DPP10: variants seen among roughly 807,000 people sequenced by gnomAD.
DPP10 encodes the protein inactive dipeptidyl peptidase 10.
Under a neutral mutation model 120.9 loss-of-function variants are expected in DPP10, and 33 were observed. That is an observed-to-expected ratio of 0.27 (90% CI 0.21 to 0.37). DPP10 has a LOEUF of 0.37. DPP10 is among the 10% of genes least tolerant of loss of function. The pLI, the probability that DPP10 is intolerant of heterozygous loss-of-function variation, is 1.00. For missense variants in DPP10, 816 were observed against 942.8 expected, an observed-to-expected ratio of 0.87 and a Z score of 1.76; for synonymous variants, 337 against 326.1, an observed-to-expected ratio of 1.03 and a Z score of -0.36.
intron 3 of DPP10, among the ~76,000 whole-genome samples, chr2:115,431,946 T>C (rs538382497): frequency 6.6e-6 from 1 of 152,234 alleles, no homozygotes; most frequent in South Asian, 2.1e-4. Flanking sequence ...TCAGAATTAT[T>C]GATAATAAGG....
At position 114,638,176 on chromosome 2, in the gene DPP10, C is replaced by A. The variant is rs746075086; in HGVS notation, c.60+195338C>A. Among the ~76,000 whole-genome samples the A allele has an allele frequency of 1.3e-4, 20 of 151,612 alleles. 1 individual carries two copies. The Middle Eastern group carries it at 0.01, about 77-fold the overall frequency. On this transcript the variant is annotated intron_variant, in intron 1 of 25. Transcript: ENST00000410059. The stretch of plus-strand genomic sequence containing the variant: ...TTTTTCAGCAGTGTTTTGTAGTTCT[C>A]CTTGTAGAGATCCTTCATCTCCTTG...
chr2:115,281,179 A>G (rs748178312), intron 1 of DPP10, among the ~76,000 whole-genome samples: 3 of 152,184 alleles, frequency 2.0e-5, no homozygotes, highest in Admixed American at 6.6e-5. Flanking sequence ...CTTTATTTCA[A>G]TAGAAGCTAG....
At chr2:115,630,234 A>G (rs1027980657) in intron 5 of DPP10, among the ~76,000 whole-genome samples, 18 of 151,870 alleles carry the variant, frequency 1.2e-4, no homozygotes, top group African/African-American at 4.4e-4. Context: ...AGGAAAGTTT[A>G]TGATTTTTGC....
intron 5 of DPP10, among the ~76,000 whole-genome samples, chr2:115,619,573 A>C (rs10185700): frequency 0.38 from 57,466 of 151,968 alleles, 11,544 homozygotes; most frequent in African/African-American, 0.5. Context: ...TGACTAGGCC[A>C]AGTGGTTCCC....
chr2:115,648,064 G>A (rs1486097228), intron 5 of DPP10, among the ~76,000 whole-genome samples: 2 of 151,914 alleles, frequency 1.3e-5, no homozygotes, highest in Admixed American at 1.3e-4. Context: ...TCTGAGAGAG[G>A]GCAAGTGATC....
chr2:115,169,639 G>T (rs529080780), intron 1 of DPP10, among the ~76,000 whole-genome samples: 1 of 152,220 alleles, frequency 6.6e-6, no homozygotes, highest in Non-Finnish European at 1.5e-5. Context: ...GAAGTTTGGT[G>T]CCCAGGAATG....
chr2:114,638,386 T>C (rs922842941), intron 1 of DPP10, among the ~76,000 whole-genome samples: 11 of 151,700 alleles, frequency 7.3e-5, no homozygotes, highest in African/African-American at 2.7e-4. Context: ...AAACCATACA[T>C]CTAACGAAGG....
At chr2:114,589,990 T>C (rs1470610528) in intron 1 of DPP10, among the ~76,000 whole-genome samples, 1 of 151,834 alleles carries the variant, frequency 6.6e-6, no homozygotes, top group Non-Finnish European at 1.5e-5. Context: ...CCTAATTCTT[T>C]AAAAAAAACT....
chr2:115,016,878 T>C (rs1702682428), intron 1 of DPP10, among the ~76,000 whole-genome samples: 1 of 152,024 alleles, frequency 6.6e-6, no homozygotes, highest in Non-Finnish European at 1.5e-5. Context: ...TATGCAGCCA[T>C]AGAAAATGAT....
At chr2:115,106,988 T>C (rs943440626) in intron 1 of DPP10, among the ~76,000 whole-genome samples, 1 of 150,682 alleles carries the variant, frequency 6.6e-6, no homozygotes, top group Non-Finnish European at 1.5e-5. Context: ...GGCAGGAGAA[T>C]GACGTGAACC....
chr2:115,137,640 GGA>G (rs1395388242), intron 1 of DPP10, among the ~76,000 whole-genome samples: 1 of 152,196 alleles, frequency 6.6e-6, no homozygotes, highest in Non-Finnish European at 1.5e-5. Context: ...ATTATGGTTT[GGA>G]GAGAGCTGTC....
intron 1 of DPP10, among the ~76,000 whole-genome samples, chr2:114,546,163 T>TAA (rs142662300): frequency 2.0e-5 from 3 of 150,892 alleles, no homozygotes; most frequent in African/African-American, 7.3e-5. Flanking sequence ...AGTAACTTAT[T>TAA]AAAAAAAAAG....
intron 1 of DPP10, among the ~76,000 whole-genome samples, chr2:114,497,320 T>TAC (rs1386014671): frequency 8.4e-5 from 3 of 35,508 alleles, no homozygotes; most frequent in African/African-American, 2.2e-4. Flanking sequence ...CATGTACATG[T>TAC]ATACGTGTAT....
At chr2:115,499,799 C>T (rs141887141) in intron 4 of DPP10, among the ~76,000 whole-genome samples, 195 bp downstream of exon 4, 5 of 151,984 alleles carry the variant, frequency 3.3e-5, no homozygotes, top group East Asian at 3.9e-4. Context: ...ATTTTCTTCC[C>T]GTTTACTCTT....
chr2:114,989,767 TTAAAA>T (rs1700651367), intron 1 of DPP10, among the ~76,000 whole-genome samples: 1 of 152,208 alleles, frequency 6.6e-6, no homozygotes, highest in Admixed American at 6.5e-5. Context: ...ATACAGAAGT[TTAAAA>T]TAAGACAGAC....
chr2:115,065,871 A>AC (rs1182540139), intron 1 of DPP10, among the ~76,000 whole-genome samples: 1 of 152,214 alleles, frequency 6.6e-6, no homozygotes, highest in African/African-American at 2.4e-5. Flanking sequence ...AAAAAAATCC[A>AC]CCCAAGAATA....
At position 114,559,417 on chromosome 2, in the gene DPP10, T is replaced by C. The variant is rs1312501288; in HGVS notation, c.60+116579T>C. On this transcript the variant is annotated intron_variant, in intron 1 of 25. Coordinates refer to ENST00000410059, the MANE Select transcript of DPP10 (RefSeq NM_020868.6). ...AAGAAATGAATTCCCCCTTAGAGAT[T>C]CCAGAAGGAATGAAATCTTAGTGAC... is the stretch of plus-strand genomic sequence containing the variant. Among the ~76,000 whole-genome samples the C allele has an allele frequency of 2.0e-5, 3 of 152,210 alleles. No homozygotes were observed. The South Asian group carries it at 6.2e-4, about 32-fold the overall frequency.
At chr2:115,643,097 G>T (rs1429873872) in intron 5 of DPP10, among the ~76,000 whole-genome samples, 8 of 151,450 alleles carry the variant, frequency 5.3e-5, no homozygotes, top group African/African-American at 1.9e-4. Context: ...ATTTCTTCAG[G>T]TTTACTAATT....
chr2:115,286,526 A>ATATATATGTAT (rs10675008), intron 1 of DPP10, among the ~76,000 whole-genome samples: 1 of 60,946 alleles, frequency 1.6e-5, no homozygotes, highest in Non-Finnish European at 3.3e-5. Flanking sequence ...ATATATATAT[A>ATATATATGTAT]ATATATATAT....
Sources: allele counts gnomAD v4.1 joint callset (sites outside exome capture counted in the v4.1 genomes callset), GRCh38; gene constraint gnomAD v4.1.1; transcripts MANE v1.5; gene names NCBI Gene and HGNC (gene_info 2026-07-23, HGNC 2026-07-21).